Variants in SLC24A2 observed in about 807,000 individuals in gnomAD.
SLC24A2 encodes solute carrier family 24 member 2.
In SLC24A2, 36 loss-of-function variants were observed where a neutral mutation model predicts 62.0. The observed-to-expected ratio is 0.58, with a 90% CI of 0.44 to 0.77. The LOEUF (loss-of-function observed/expected upper bound fraction) is 0.77. Among genes scored for constraint, SLC24A2 ranks in the 30% least tolerant of loss-of-function variants. The pLI is 0.00. For synonymous variants in SLC24A2, 358 were observed against 294.0 expected, an observed-to-expected ratio of 1.22 and a Z score of -2.23; for missense variants, 846 against 817.9, an observed-to-expected ratio of 1.03 and a Z score of -0.42.
the SLC24A2 span, among the ~76,000 whole-genome samples, chr9:19,922,024 C>T: frequency 1.3e-5 from 2 of 152,156 alleles, no homozygotes; most frequent in African/African-American, 2.4e-5. Context: ...TAAAATGTAC[C>T]TTGATTCATC....
rs1818201439 is a variant in SLC24A2, at chr9:19,632,377, A to G, written c.931-10078T>C. ...ATTCTTCATCACATGTTTAATGAGC[A>G]TCTTATATGTGCTACATTTTTCTAG... is the stretch of plus-strand genomic sequence containing the variant. On this transcript the variant is annotated intron_variant, in intron 2 of 10. Transcript: ENST00000341998. The surrounding 1 kb of genome is among the most constrained non-coding windows in gnomAD (Gnocchi z 4.5). Among the ~76,000 whole-genome samples the G allele has an allele frequency of 6.6e-6, 1 of 152,202 alleles. No individual in the cohort carries two copies. Among genetic ancestry groups the G allele is most frequent in the South Asian group, 2.1e-4 (1 of 4,834 alleles).
At chr9:19,631,620 G>A (rs1434148260) in intron 2 of SLC24A2, among the ~76,000 whole-genome samples, 1 of 152,150 alleles carries the variant, frequency 6.6e-6, no homozygotes, top group East Asian at 1.9e-4. Flanking sequence ...AAACATAGAA[G>A]TTTTGACTGC....
chr9:19,636,095 C>T (rs530831905), intron 2 of SLC24A2, among the ~76,000 whole-genome samples: 2 of 152,170 alleles, frequency 1.3e-5, no homozygotes, highest in African/African-American at 4.8e-5. Flanking sequence ...GCAACCAACC[C>T]CTGAGGGCAA....
upstream of SLC24A2, among the ~76,000 whole-genome samples, chr9:19,790,093 T>A (rs984352899): frequency 6.0e-5 from 9 of 149,640 alleles, no homozygotes; most frequent in African/African-American, 2.0e-4. Context: ...CATTCAAGAC[T>A]CAACTTTTCT....
At chr9:19,559,304 C>G (rs553904449) in intron 7 of SLC24A2, among the ~76,000 whole-genome samples, 60 of 152,150 alleles carry the variant, frequency 3.9e-4, no homozygotes, top group African/African-American at 1.3e-3. Flanking sequence ...ATCCACTTAC[C>G]CAATATTTAT....
chr9:20,304,826 A>T, the SLC24A2 span, among the ~76,000 whole-genome samples: 1 of 152,172 alleles, frequency 6.6e-6, no homozygotes, highest in South Asian at 2.1e-4. Flanking sequence ...AGGGATAATA[A>T]GCAGCAGAGC....
At chr9:19,677,783 C>T (rs957553199) in intron 2 of SLC24A2, among the ~76,000 whole-genome samples, 1 of 149,914 alleles carries the variant, frequency 6.7e-6, no homozygotes, top group Non-Finnish European at 1.5e-5. Context: ...TATGTGATAT[C>T]TATTATATAT....
the SLC24A2 span, among the ~76,000 whole-genome samples, chr9:19,914,119 G>T: frequency 6.6e-6 from 1 of 151,906 alleles, no homozygotes; most frequent in Non-Finnish European, 1.5e-5. Context: ...AATACTTTGG[G>T]TTCTACCTCA....
chr9:19,698,675 G>T (rs1162554483), intron 2 of SLC24A2, among the ~76,000 whole-genome samples: 1 of 152,174 alleles, frequency 6.6e-6, no homozygotes, highest in East Asian at 1.9e-4. Flanking sequence ...AGAAACAAAA[G>T]AAATTTGCTT....
intron 6 of SLC24A2, 34 bp from the exon 7 acceptor site, chr9:19,573,503 C>CAGAGAG (rs1563975845): frequency 6.2e-6 from 2 of 323,426 alleles, no homozygotes; most frequent in African/African-American, 9.0e-5. Context: ...CACACACACA[C>CAGAGAG]ACACACACAC....
chr9:20,305,498 G>A, the SLC24A2 span, among the ~76,000 whole-genome samples: 2 of 152,168 alleles, frequency 1.3e-5, no homozygotes, highest in Admixed American at 6.5e-5. Context: ...TTTAAAAGAT[G>A]TAGGTCAGGA....
At chr9:19,999,714 G>C in the SLC24A2 span, among the ~76,000 whole-genome samples, 11 of 152,294 alleles carry the variant, frequency 7.2e-5, no homozygotes, top group African/African-American at 2.4e-4. Context: ...CAGTCAGTGA[G>C]TGAGCAGTTA....
At chr9:19,845,092 G>A in the SLC24A2 span, among the ~76,000 whole-genome samples, 3 of 151,860 alleles carry the variant, frequency 2.0e-5, no homozygotes, top group African/African-American at 7.3e-5. Context: ...TGAATCTGTA[G>A]ATTGCTTTGG....
chr9:20,199,024 A>T, the SLC24A2 span, among the ~76,000 whole-genome samples: 40 of 152,338 alleles, frequency 2.6e-4, no homozygotes, highest in African/African-American at 9.1e-4. Context: ...TAGAAAAGAA[A>T]CAGAAGGTAG....
At chr9:19,695,124 AC>A (rs1820150421) in intron 2 of SLC24A2, among the ~76,000 whole-genome samples, 1 of 152,020 alleles carries the variant, frequency 6.6e-6, no homozygotes, top group Non-Finnish European at 1.5e-5. Context: ...GATTTCCATA[AC>A]TGGAGGGGCA....
chr9:20,306,235 T>C, the SLC24A2 span, among the ~76,000 whole-genome samples: 3 of 152,214 alleles, frequency 2.0e-5, no homozygotes. Flanking sequence ...CTTTAACTCC[T>C]TTGGCCTGTT....
chr9:20,263,006 G>T, the SLC24A2 span, among the ~76,000 whole-genome samples: 1 of 152,162 alleles, frequency 6.6e-6, no homozygotes, highest in East Asian at 1.9e-4. Flanking sequence ...AAATAAATCA[G>T]GGTGGAATAA....
the SLC24A2 span, among the ~76,000 whole-genome samples, chr9:20,275,026 G>A: frequency 6.6e-6 from 1 of 152,160 alleles, no homozygotes; most frequent in East Asian, 1.9e-4. Flanking sequence ...CCTGATCCAA[G>A]GCAATATACC....
chr9:20,295,187 A>G, the SLC24A2 span, among the ~76,000 whole-genome samples: 54 of 152,224 alleles, frequency 3.5e-4, 1 homozygote, highest in Middle Eastern at 0.01. Context: ...AATTCCTAAC[A>G]TCTAAAATCC....
Sources: gnomAD v4.1 joint callset for allele counts (sites outside exome capture counted in the v4.1 genomes callset) on GRCh38, gnomAD v4.1.1 for gene constraint, Gnocchi (gnomAD v3.1) non-coding constraint, MANE v1.5 for transcripts, NCBI Gene and HGNC (gene_info 2026-07-23, HGNC 2026-07-21) for gene names.